Variants in NDST1 observed in about 807,000 individuals in gnomAD.
NDST1 encodes N-deacetylase and N-sulfotransferase 1.
NDST1 carries 35 observed loss-of-function variants against 92.8 expected under a neutral mutation model. That is an observed-to-expected ratio of 0.38 (90% CI 0.29 to 0.50). The LOEUF is 0.50. NDST1 is among the 20% of genes least tolerant of loss of function. The pLI, the probability that NDST1 is intolerant of heterozygous loss-of-function variation, is 0.94. For synonymous variants in NDST1, 493 were observed against 500.3 expected (o/e 0.99, Z 0.19); for missense variants, 822 against 1,182.7 (o/e 0.69, Z 4.47).
chr5:150,505,159 A>G (rs186924392), upstream of NDST1, among the ~76,000 whole-genome samples: 17 of 152,348 alleles, frequency 1.1e-4, no homozygotes, highest in East Asian at 1.5e-3. Context: ...CGATGAGGGC[A>G]TTGTAACCAC....
At chr5:150,551,438 A>G (rs1254676175) in intron 13 of NDST1, among the ~76,000 whole-genome samples, 1 of 152,154 alleles carries the variant, frequency 6.6e-6, no homozygotes, top group Non-Finnish European at 1.5e-5. Context: ...ATGCTCAGAA[A>G]AGATTTCCCA....
At chr5:150,546,231 C>T (rs1047149623) in intron 11 of NDST1, among the ~76,000 whole-genome samples, 3 of 152,186 alleles carry the variant, frequency 2.0e-5, no homozygotes, top group African/African-American at 4.8e-5. Context: ...CTCCTGACCT[C>T]GTGATCTTCC....
intron 1 of NDST1, among the ~76,000 whole-genome samples, chr5:150,520,274 G>A (rs4409074): frequency 0.16 from 24,033 of 152,066 alleles, 2,347 homozygotes; most frequent in South Asian, 0.24. Flanking sequence ...CACAGCTAAG[G>A]CACACATGCC....
In NDST1 at chr5:150,545,176, C is replaced by T. The variant is rs1018774153; in HGVS notation, c.1971-136C>T. 6 of 1,023,354 alleles carry T rather than the reference C, an allele frequency of 5.9e-6. No individual in the cohort carries two copies. In the African/African-American group the frequency reaches 6.3e-5, roughly 11 times the overall value. The allele number at this position is 1,023,354 out of a possible 1,614,324, so 63.4% of individuals were successfully genotyped here. A position where few individuals can be genotyped will look rare whatever the true frequency, so the allele number is the denominator to read the frequency against. ...CCAGAATCCCCACTGGAGGCAAGTC[C>T]TTGTTTGGTTGGGAGCAAAGCTTCC... On this transcript the variant is annotated intron_variant, in intron 10 of 14. Transcript: ENST00000261797.
At chr5:150,505,460 C>T (rs961094201), upstream of NDST1, among the ~76,000 whole-genome samples, 2 of 152,184 alleles carry the variant, frequency 1.3e-5, no homozygotes, top group Non-Finnish European at 2.9e-5. Flanking sequence ...GGACCTTAAG[C>T]AAGTTGCTTA....
intron 3 of NDST1, among the ~76,000 whole-genome samples, chr5:150,528,904 C>T (rs1398923365): frequency 6.6e-6 from 1 of 152,164 alleles, no homozygotes; most frequent in African/African-American, 2.4e-5. Context: ...AGAAGACATC[C>T]AGACAAAGAT....
intron 9 of NDST1, 108 bp from the exon 10 acceptor site, chr5:150,542,740 C>A (rs952157857): frequency 1.8e-5 from 25 of 1,424,422 alleles, no homozygotes; most frequent in Non-Finnish European, 2.5e-5. Flanking sequence ...AAGGCAGAGA[C>A]CTTCCCAGGA....
intron 5 of NDST1, chr5:150,535,373 C>G (rs1754936052): frequency 1.0e-6 from 1 of 985,370 alleles, no homozygotes. Flanking sequence ...GCCCTAGGTG[C>G]TAGGTAGAAT....
rs140436588 is a variant in NDST1, at chr5:150,521,415, C to G, written c.161C>G (p.Pro54Arg). The change falls in exon 2 of 15, where the codon CCT becomes CGT. Residue 54 changes from proline to arginine, a missense_variant. Physicochemically the swap from Pro to Arg is moderately radical, Grantham distance 103 (BLOSUM62 -2). Coordinates refer to ENST00000261797, the MANE Select transcript of NDST1 (RefSeq NM_001543.5). The surrounding 1 kb of genome is among the most constrained non-coding windows in gnomAD (Gnocchi z 5.9). ...GAGCCCTCGGCGGATGCCCCCGAGCCTGACTGCGGGGACCCGCCGCCTGTG... is the reference window on the plus strand; with the variant it reads ...GAGCCCTCGGCGGATGCCCCCGAGCGTGACTGCGGGGACCCGCCGCCTGTG... ...GLEPSADAPE[P>R]DCGDPPPVAP... The G allele has an allele frequency of 2.8e-5, 45 of 1,613,048 alleles. No individual in the cohort carries two copies. The Middle Eastern group carries it at 4.9e-4, about 18-fold the overall frequency.
intron 6 of NDST1, 148 bp from the exon 7 acceptor site, chr5:150,539,080 G>A (rs916678623): frequency 1.3e-5 from 9 of 675,552 alleles, no homozygotes; most frequent in Non-Finnish European, 2.4e-5. Flanking sequence ...ACGCTGTGCT[G>A]TAGGCTGCAC....
rs1272337591 is a variant in NDST1 at position 150,521,992 on chromosome 5, G to A, written c.513+225G>A. ...GTGCCAGGGGGATCGCCTGCTGTGC[G>A]TGGGGTCCAGCACACAGCAGGTGCT... On this transcript the variant is annotated intron_variant, in intron 2 of 14. Transcript: ENST00000261797. The surrounding 1 kb of genome is among the most constrained non-coding windows in gnomAD (Gnocchi z 5.9). 2.6e-5 allele frequency among the ~76,000 whole-genome samples: 4 copies of A among 152,180 alleles called. No individual in the cohort carries two copies. Among genetic ancestry groups the A allele is most frequent in the Non-Finnish European group, 5.9e-5 (4 of 68,026 alleles).
At chr5:150,527,430 C>T (rs1028333260) in intron 2 of NDST1, among the ~76,000 whole-genome samples, 2 of 152,122 alleles carry the variant, frequency 1.3e-5, no homozygotes, top group African/African-American at 4.8e-5. Context: ...TATAACTTGC[C>T]CAAAGTCAGG....
At chr5:150,532,054 G>A (rs1349108456) in intron 3 of NDST1, among the ~76,000 whole-genome samples, 7 of 152,130 alleles carry the variant, frequency 4.6e-5, no homozygotes, top group Admixed American at 2.6e-4. Flanking sequence ...GGCTTACAGC[G>A]GCAGTGACCA....
At chr5:150,548,643 C>T (rs1481972751) in intron 12 of NDST1, among the ~76,000 whole-genome samples, 3 of 151,948 alleles carry the variant, frequency 2.0e-5, no homozygotes. Context: ...CTCACGCAAT[C>T]CTTCCACCTC....
At chr5:150,503,879 T>G (rs1753336652), upstream of NDST1, among the ~76,000 whole-genome samples, 1 of 151,954 alleles carries the variant, frequency 6.6e-6, no homozygotes, top group African/African-American at 2.4e-5. Flanking sequence ...CTTAGGGAAA[T>G]GTGAGGGAAG....
At chr5:150,533,561 G>C (rs1420029597) in intron 4 of NDST1, among the ~76,000 whole-genome samples, 1 of 152,116 alleles carries the variant, frequency 6.6e-6, no homozygotes, top group African/African-American at 2.4e-5. Context: ...CTCTTCATCT[G>C]CTGTCCTTCA....
At chr5:150,505,681 G>C (rs1399010820), upstream of NDST1, among the ~76,000 whole-genome samples, 1 of 152,244 alleles carries the variant, frequency 6.6e-6, no homozygotes, top group East Asian at 1.9e-4. Flanking sequence ...ATTTGCTGCA[G>C]AGGTCGGTTA....
At chr5:150,532,068 A>G (rs939888286) in intron 3 of NDST1, among the ~76,000 whole-genome samples, 3 of 152,242 alleles carry the variant, frequency 2.0e-5, no homozygotes, top group Non-Finnish European at 4.4e-5. Flanking sequence ...GTGACCACAG[A>G]CGTAGCATTG....
chr5:150,532,556 C>T (rs1754791560), intron 3 of NDST1, among the ~76,000 whole-genome samples: 1 of 152,032 alleles, frequency 6.6e-6, no homozygotes, highest in Non-Finnish European at 1.5e-5. Context: ...CTCGCTCTGT[C>T]ACCCAGGCTG....
Sources: gnomAD v4.1 joint callset for allele counts (sites outside exome capture counted in the v4.1 genomes callset) on GRCh38, gnomAD v4.1.1 for gene constraint, Gnocchi (gnomAD v3.1) non-coding constraint, MANE v1.5 for transcripts, NCBI Gene and HGNC (gene_info 2026-07-23, HGNC 2026-07-21) for gene names.